MYOCD: variants seen among roughly 807,000 people sequenced by gnomAD.
The protein encoded by MYOCD is myocardin.
MYOCD carries 32 observed loss-of-function variants against 96.1 expected under a neutral mutation model. The observed-to-expected ratio is 0.33, with a 90% confidence interval of 0.25 to 0.45. MYOCD has a LOEUF of 0.45. Among genes scored for constraint, MYOCD ranks in the 20% least tolerant of loss-of-function variants. The probability of loss-of-function intolerance (pLI) is 1.00; values close to 1 mark genes in which losing one functional copy is unlikely to be tolerated. For synonymous variants in MYOCD, 469 were observed against 469.0 expected, an observed-to-expected ratio of 1.00 and a Z score of 0.00; for missense variants, 1,133 against 1,200.6, an observed-to-expected ratio of 0.94 and a Z score of 0.83.
At chr17:12,748,794 G>T (rs1377732493) in intron 9 of MYOCD, among the ~76,000 whole-genome samples, 4 of 152,110 alleles carry the variant, frequency 2.6e-5, no homozygotes, top group Non-Finnish European at 5.9e-5. Flanking sequence ...TTGCCATTTT[G>T]TACTTTTTCA....
intron 4 of MYOCD, among the ~76,000 whole-genome samples, chr17:12,719,759 C>T (rs961620279): frequency 5.2e-4 from 76 of 147,524 alleles, no homozygotes; most frequent in African/African-American, 1.8e-3. Context: ...CCCAGCTACT[C>T]GGGAGGCTGA....
At chr17:12,744,877 G>A (rs1014188934) in intron 8 of MYOCD, among the ~76,000 whole-genome samples, 1 of 152,196 alleles carries the variant, frequency 6.6e-6, no homozygotes, top group African/African-American at 2.4e-5. Context: ...ATAACTTATT[G>A]TACTGGACAC....
At chr17:12,685,331 A>C (rs137985354) in intron 1 of MYOCD, among the ~76,000 whole-genome samples, 7,367 of 152,020 alleles carry the variant, frequency 0.048, 316 homozygotes, top group Admixed American at 0.1. Flanking sequence ...GGGGCTGGGC[A>C]CAGTGGCTCA....
At chr17:12,749,461 G>A (rs1476270361) in intron 9 of MYOCD, among the ~76,000 whole-genome samples, 5 of 151,416 alleles carry the variant, frequency 3.3e-5, no homozygotes, top group East Asian at 1.9e-4. Context: ...CCCAGGAGAC[G>A]GAGGTTGCAG....
At chr17:12,741,321 G>C (rs2032501158) in intron 7 of MYOCD, among the ~76,000 whole-genome samples, 1 of 152,124 alleles carries the variant, frequency 6.6e-6, no homozygotes, top group Non-Finnish European at 1.5e-5. Flanking sequence ...TCATTGCAGG[G>C]GAAGGAGGAG....
intron 1 of MYOCD, among the ~76,000 whole-genome samples, chr17:12,684,689 T>A (rs2029998306): frequency 6.6e-6 from 1 of 151,544 alleles, no homozygotes. Context: ...TACTAAAACA[T>A]ACAAAAATTA....
intron 9 of MYOCD, among the ~76,000 whole-genome samples, chr17:12,748,733 A>T (rs1346406256): frequency 5.9e-5 from 9 of 152,228 alleles, no homozygotes; most frequent in Admixed American, 3.3e-4. Context: ...TTCTAAAAAT[A>T]AATGTAGAAC....
At chr17:12,728,483 G>A (rs967618049) in intron 5 of MYOCD, among the ~76,000 whole-genome samples, 2 of 151,978 alleles carry the variant, frequency 1.3e-5, no homozygotes, top group Non-Finnish European at 2.9e-5. Context: ...AGGTTTTTTT[G>A]TTGTTGTTTT....
At chr17:12,750,682 C>A (rs945449234) in intron 9 of MYOCD, among the ~76,000 whole-genome samples, 1 of 151,982 alleles carries the variant, frequency 6.6e-6, no homozygotes, top group African/African-American at 2.4e-5. Context: ...GAGCAAGACT[C>A]CGCCTCAAAA....
intron 1 of MYOCD, among the ~76,000 whole-genome samples, chr17:12,675,644 G>A (rs1463422997): frequency 6.6e-6 from 1 of 152,182 alleles, no homozygotes; most frequent in Non-Finnish European, 1.5e-5. Flanking sequence ...GGATCACGAG[G>A]TCAGGGGATC....
rs1909350830 is a variant in MYOCD, at chr17:12,665,979, G to T, written c.-210G>T. ...TCCGAGGAGGAGGAGGGTCCCGCCG[G>T]CTAAGAGTTAATTAGCCCCGCACGG... On this transcript the variant is annotated 5_prime_UTR_variant, in exon 1 of 14. Transcript: ENST00000425538. This position sits in a 1 kb window ranked among gnomAD's most constrained non-coding sequence, Gnocchi z 4.2. 1 of 541,582 alleles carries T rather than the reference G, an allele frequency of 1.8e-6. No individual in the cohort carries two copies. Among genetic ancestry groups the T allele is most frequent in the Non-Finnish European group, 3.3e-6 (1 of 304,550 alleles). 33.5% of individuals were successfully genotyped at this position (541,582 alleles called of 1,614,324 possible).
chr17:12,748,054 C>T (rs1043618208), intron 9 of MYOCD, among the ~76,000 whole-genome samples: 4 of 149,114 alleles, frequency 2.7e-5, no homozygotes, highest in Non-Finnish European at 5.9e-5. Context: ...TCCAGCTACT[C>T]GGGAGGCTGA....
intron 13 of MYOCD, chr17:12,761,443 A>G (rs1374896625): frequency 6.6e-6 from 1 of 152,200 alleles, no homozygotes; most frequent in East Asian, 1.9e-4. Context: ...TGGAGTTTAC[A>G]GTCTGGTAAG....
intron 1 of MYOCD, among the ~76,000 whole-genome samples, chr17:12,670,360 G>C (rs781171353): frequency 1.3e-5 from 2 of 152,116 alleles, no homozygotes; most frequent in Admixed American, 6.5e-5. Context: ...TCTCTCTGTC[G>C]TTTCTCTATT....
intron 1 of MYOCD, among the ~76,000 whole-genome samples, chr17:12,690,736 C>T (rs749233630): frequency 7.2e-5 from 11 of 152,136 alleles, no homozygotes; most frequent in South Asian, 4.2e-4. Context: ...AGGAAGGGGA[C>T]GAGGGAAATT....
intron 1 of MYOCD, among the ~76,000 whole-genome samples, chr17:12,682,312 A>G (rs996828781): frequency 2.6e-5 from 4 of 152,162 alleles, no homozygotes; most frequent in African/African-American, 9.7e-5. Context: ...TGTACATATG[A>G]TGTGTGCCAC....
At chr17:12,706,510 G>A (rs1264920123) in intron 2 of MYOCD, among the ~76,000 whole-genome samples, 1 of 152,208 alleles carries the variant, frequency 6.6e-6, no homozygotes, top group Non-Finnish European at 1.5e-5. Flanking sequence ...TGGAGCAAAT[G>A]GACCTGCAAC....
chr17:12,737,043 T>C (rs939807278), intron 6 of MYOCD, among the ~76,000 whole-genome samples: 5 of 152,056 alleles, frequency 3.3e-5, no homozygotes, highest in Admixed American at 2.0e-4. Context: ...TCACCTGAGA[T>C]CAGGAGTGCA....
intron 1 of MYOCD, among the ~76,000 whole-genome samples, chr17:12,699,580 A>G (rs2030959350): frequency 6.6e-6 from 1 of 152,134 alleles, no homozygotes; most frequent in South Asian, 2.1e-4. Context: ...CTTATTTCAT[A>G]TTTACCAGGA....
Sources: gnomAD v4.1 joint callset for allele counts (sites outside exome capture counted in the v4.1 genomes callset) on GRCh38, gnomAD v4.1.1 for gene constraint, Gnocchi (gnomAD v3.1) non-coding constraint, MANE v1.5 for transcripts, NCBI Gene and HGNC (gene_info 2026-07-23, HGNC 2026-07-21) for gene names.